Variants in RNF146 observed in about 807,000 individuals in gnomAD.
RNF146 encodes ring finger protein 146.
In RNF146, 11 loss-of-function variants were observed where a neutral mutation model predicts 29.7. The observed-to-expected ratio is 0.37, with a 90% CI of 0.23 to 0.61. The LOEUF is 0.61. RNF146 is among the 20% of genes least tolerant of loss of function. The pLI is 0.66. For synonymous variants in RNF146, 150 were observed against 159.7 expected (o/e 0.94, Z 0.46); for missense variants, 342 against 438.9 (o/e 0.78, Z 1.97).
chr6:127,283,118 A>G (rs1281156420), intron 2 of RNF146, among the ~76,000 whole-genome samples: 1 of 151,740 alleles, frequency 6.6e-6, no homozygotes, highest in East Asian at 1.9e-4. Flanking sequence ...TCTTCTTGAG[A>G]AGAAGACTTA....
chr6:127,269,841 A>G lies in RNF146; in HGVS notation c.-109+2916A>G, dbSNP rs184174941. ...TACCAAAAGTTGGAACATTTCAAGTATTTTTTCTTTCTGTCACTGAGTGAT... is the reference window on the plus strand; with the variant it reads ...TACCAAAAGTTGGAACATTTCAAGTGTTTTTTCTTTCTGTCACTGAGTGAT... On this transcript the variant is annotated intron_variant, in intron 1 of 2. Coordinates refer to ENST00000368314, the MANE Select transcript of RNF146 (RefSeq NM_001242850.2). Among the ~76,000 whole-genome samples the G allele has an allele frequency of 1.3e-3, 200 of 152,162 alleles. 2 individuals are homozygous for G. The highest frequency in any genetic ancestry group is 0.01 in the Admixed American group (160 of 15,294).
chr6:127,287,301 A>G lies in RNF146; in HGVS notation c.688A>G (p.Thr230Ala), dbSNP rs777145473. The change falls in exon 3 of 3, where the codon ACA (threonine) becomes GCA (alanine). Residue 230 changes from threonine (T) to alanine (A), a missense_variant. Physicochemically the swap from Thr to Ala is moderately conservative, Grantham distance 58. This residue lies in a region of RNF146 where 196 missense variants were observed against 208.9 expected (regional missense o/e 0.94). Coordinates refer to ENST00000368314, the MANE Select transcript of RNF146 (RefSeq NM_001242850.2). ...CCTAACATCAGTAGATGGTCAGTTA[A>G]CAAGCCCTGCAACACCATCCCCTGA... ...RPLTSVDGQL[T>A]SPATPSPDAS... 44 of 1,613,342 alleles carry G rather than the reference A, an allele frequency of 2.7e-5. No homozygotes were observed. The highest frequency in any genetic ancestry group is 3.3e-5 in the Non-Finnish European group (39 of 1,179,666).
rs1373718186 is a variant in RNF146, at chr6:127,287,282, A to G, written c.669A>G (p.Thr223=). 1 of 1,613,476 alleles carries G rather than the reference A, an allele frequency of 6.2e-7. No individual in the cohort carries two copies. The highest frequency in any genetic ancestry group is 2.2e-5 in the East Asian group (1 of 44,830). The part of the protein sequence containing the change: ...QPLVSSVRPL[T]SVDGQLTSPA... ...TAGTGTCTTCTGTAAGGCCCCTAAC[A>G]TCAGTAGATGGTCAGTTAACAAGCC... is the stretch of plus-strand genomic sequence containing the variant. The change falls in exon 3 of 3, where the codon ACA becomes ACG. Residue 223 remains threonine (T), a synonymous_variant. Transcript: ENST00000368314.
chr6:127,278,766 A>C (rs1291090653), intron 1 of RNF146, among the ~76,000 whole-genome samples: 1 of 151,964 alleles, frequency 6.6e-6, no homozygotes, highest in African/African-American at 2.4e-5. Flanking sequence ...CCTTCCTACC[A>C]GCAGTTTTCA....
chr6:127,285,266 T>TA (rs948242340), intron 2 of RNF146: 35 of 984,586 alleles, frequency 3.6e-5, no homozygotes, highest in Non-Finnish European at 4.2e-5. Context: ...GAAAAGGCAG[T>TA]AAAAAGAAAA....
intron 1 of RNF146, among the ~76,000 whole-genome samples, chr6:127,277,047 C>G (rs961135288): frequency 6.6e-6 from 1 of 151,970 alleles, no homozygotes; most frequent in Non-Finnish European, 1.5e-5. Context: ...GGTTCATTTT[C>G]AAGGCTATTT....
At chr6:127,276,537 A>G (rs552194696) in intron 1 of RNF146, among the ~76,000 whole-genome samples, 3 of 152,050 alleles carry the variant, frequency 2.0e-5, no homozygotes, top group Non-Finnish European at 4.4e-5. Flanking sequence ...GAGGGGGCCA[A>G]GGGTTCTGTT....
intron 1 of RNF146, among the ~76,000 whole-genome samples, chr6:127,273,897 A>G (rs758743617): frequency 1.3e-5 from 2 of 152,192 alleles, no homozygotes; most frequent in African/African-American, 2.4e-5. Flanking sequence ...ACTGCTGAAC[A>G]TAACTGGACT....
chr6:127,274,915 T>A (rs1056190240), intron 1 of RNF146, among the ~76,000 whole-genome samples: 2 of 152,014 alleles, frequency 1.3e-5, no homozygotes, highest in African/African-American at 4.8e-5. Context: ...CCTGCCTGGT[T>A]AACAGACGCT....
At chr6:127,273,931 A>T (rs939289277) in intron 1 of RNF146, among the ~76,000 whole-genome samples, 4 of 152,112 alleles carry the variant, frequency 2.6e-5, no homozygotes, top group African/African-American at 9.7e-5. Context: ...GAGGGCAAGG[A>T]TGTTCTTTCT....
intron 1 of RNF146, among the ~76,000 whole-genome samples, chr6:127,269,055 C>A (rs977304655): frequency 1.5e-4 from 23 of 152,090 alleles, no homozygotes; most frequent in Non-Finnish European, 2.9e-4. Context: ...AGGTACTGAG[C>A]CTTTTCCATT....
chr6:127,285,769 A>G (rs936117275), intron 2 of RNF146, among the ~76,000 whole-genome samples: 5 of 151,536 alleles, frequency 3.3e-5, no homozygotes, highest in Non-Finnish European at 7.4e-5. Flanking sequence ...CCATCCTCTC[A>G]TCTCTCTCTT....
At chr6:127,268,931 C>A (rs1777055268) in intron 1 of RNF146, among the ~76,000 whole-genome samples, 1 of 151,972 alleles carries the variant, frequency 6.6e-6, no homozygotes, top group Non-Finnish European at 1.5e-5. Flanking sequence ...TTCACAATAT[C>A]GATCTTTTTA....
Position 127,286,289 on chromosome 6 carries a change from A to AC in RNF146, c.3-327_3-326insC. 2.5e-6 allele frequency: 2 copies of AC among 806,786 alleles called. No individual in the cohort carries two copies. Among genetic ancestry groups the AC allele is most frequent in the Non-Finnish European group, 3.4e-6 (2 of 589,330 alleles). 50.0% of individuals were successfully genotyped at this position (806,786 alleles called of 1,614,324 possible). Reference sequence around the variant, plus strand: ...TTGTCTAGCATTCATTTCACTGTATAATAGCTGCCATGATTCAAGGTATCC... The same window carrying AC: ...TTGTCTAGCATTCATTTCACTGTATACATAGCTGCCATGATTCAAGGTATCC... On this transcript the variant is annotated intron_variant, in intron 2 of 2. Coordinates refer to ENST00000368314, the MANE Select transcript of RNF146 (RefSeq NM_001242850.2). This position sits in a 1 kb window ranked among gnomAD's most constrained non-coding sequence, Gnocchi z 4.6.
chr6:127,285,254 C>CA (rs1227503566), intron 2 of RNF146: 1 of 984,460 alleles, frequency 1.0e-6, no homozygotes, highest in Non-Finnish European at 1.2e-6. Flanking sequence ...ACCAAGAACA[C>CA]AGAAAAGGCA....
intron 1 of RNF146, among the ~76,000 whole-genome samples, chr6:127,275,739 G>T (rs186689756): frequency 7.2e-4 from 110 of 152,138 alleles, no homozygotes; most frequent in African/African-American, 2.6e-3. Flanking sequence ...ATATATTAAA[G>T]AACAAATAGG....
intron 1 of RNF146, among the ~76,000 whole-genome samples, chr6:127,272,568 T>C (rs578191155): frequency 6.6e-6 from 1 of 152,332 alleles, no homozygotes; most frequent in South Asian, 2.1e-4. Flanking sequence ...TGTTAAGTTT[T>C]TTGTCTGCTT....
chr6:127,283,271 A>G (rs1436695216), intron 2 of RNF146, among the ~76,000 whole-genome samples: 1 of 151,858 alleles, frequency 6.6e-6, no homozygotes, highest in Non-Finnish European at 1.5e-5. Flanking sequence ...TATTATACTT[A>G]TTAATAGAAT....
chr6:127,286,862 T>G lies in RNF146; in HGVS notation c.249T>G (p.Leu83=). The change falls in exon 3 of 3, where the codon CTT becomes CTG. Residue 83 remains leucine (L), a synonymous_variant. Coordinates refer to ENST00000368314, the MANE Select transcript of RNF146 (RefSeq NM_001242850.2). This position sits in a 1 kb window ranked among gnomAD's most constrained non-coding sequence, Gnocchi z 4.6. ...LCRQEIPEDF[L]DKPTLLSPEE... ...GACAAGAAATTCCCGAGGATTTCCT[T>G]GACAAGCCAACCTTGTTGTCACCAG... 1 of 1,613,204 alleles carries G rather than the reference T, an allele frequency of 6.2e-7. No homozygotes were observed. Among genetic ancestry groups the G allele is most frequent in the Non-Finnish European group, 8.5e-7 (1 of 1,179,588 alleles).
Sources: gnomAD v4.1 joint callset for allele counts (sites outside exome capture counted in the v4.1 genomes callset) on GRCh38, gnomAD v4.1.1 for gene constraint, gnomAD v4.1.1 regional missense constraint, Gnocchi (gnomAD v3.1) non-coding constraint, MANE v1.5 for transcripts, NCBI Gene and HGNC (gene_info 2026-07-23, HGNC 2026-07-21) for gene names.